TENM2: variants seen among roughly 807,000 people sequenced by gnomAD.
The protein encoded by TENM2 is teneurin-2.
A neutral mutation model predicts 245.2 loss-of-function variants in TENM2; 52 were observed. That is an observed-to-expected ratio of 0.21 (90% confidence interval 0.17 to 0.27). TENM2 has a LOEUF of 0.27. Ranked by LOEUF, TENM2 falls within the 10% of genes least tolerant of loss-of-function variation. TENM2 has a pLI of 1.00. For synonymous variants in TENM2, 1,363 were observed against 1,438.9 expected (o/e 0.95, Z 1.19); for missense variants, 3,046 against 3,666.8 (o/e 0.83, Z 4.37).
rs77362065 is a variant in TENM2 at position 168,223,162 on chromosome 5, C to T, written c.5109-2926C>T. Among the ~76,000 whole-genome samples, 966 of 152,326 alleles carry T rather than the reference C, an allele frequency of 6.3e-3. 11 individuals are homozygous for T. Among genetic ancestry groups the T allele is most frequent in the Middle Eastern group, 0.024 (7 of 294 alleles). The stretch of plus-strand genomic sequence containing the variant: ...AAAATCTGTTTTTCTCCCTTTGGCC[C>T]ATGAGATTCTAGTCCCTACCCTAAA... On this transcript the variant is annotated intron_variant, in intron 23 of 28. Transcript: ENST00000518659.
At chr5:167,271,146 G>A in the TENM2 span, among the ~76,000 whole-genome samples, 1 of 152,132 alleles carries the variant, frequency 6.6e-6, no homozygotes, top group East Asian at 1.9e-4. Flanking sequence ...ATTAGGTTTT[G>A]AGGCTGCAGG....
intron 2 of TENM2, among the ~76,000 whole-genome samples, chr5:167,578,503 G>A (rs1774865818): frequency 6.6e-6 from 1 of 152,158 alleles, no homozygotes; most frequent in South Asian, 2.1e-4. Flanking sequence ...ATATGCATTT[G>A]TTTTCATGTT....
chr5:167,403,198 C>A (rs1257895590), intron 2 of TENM2, among the ~76,000 whole-genome samples: 2 of 151,726 alleles, frequency 1.3e-5, no homozygotes, highest in Admixed American at 6.6e-5. Context: ...TTCCTTAATT[C>A]ATCCCTGATA....
At chr5:167,865,773 GAAAAAAA>G (rs1232559986) in intron 2 of TENM2, among the ~76,000 whole-genome samples, 1 of 152,034 alleles carries the variant, frequency 6.6e-6, no homozygotes, top group Non-Finnish European at 1.5e-5. Flanking sequence ...CTTGGTTAAG[GAAAAAAA>G]CATACATTTA....
the TENM2 span, among the ~76,000 whole-genome samples, chr5:167,127,716 T>G: frequency 2.6e-5 from 4 of 152,028 alleles, no homozygotes. Flanking sequence ...TTACGTTCAT[T>G]GGCATTAATG....
At chr5:167,369,695 A>G (rs918404233) in intron 1 of TENM2, among the ~76,000 whole-genome samples, 4 of 152,182 alleles carry the variant, frequency 2.6e-5, no homozygotes, top group African/African-American at 7.2e-5. Context: ...ATTTCTCTGT[A>G]TAAAATGACT....
At chr5:167,776,161 C>CACACACACACA (rs1554115636) in intron 2 of TENM2, among the ~76,000 whole-genome samples, 7 of 133,110 alleles carry the variant, frequency 5.3e-5, no homozygotes, top group African/African-American at 2.0e-4. Flanking sequence ...AAAAAAAAAT[C>CACACACACACA]CACACACACA....
intron 2 of TENM2, among the ~76,000 whole-genome samples, chr5:167,863,991 A>G (rs1772080869): frequency 6.6e-6 from 1 of 152,226 alleles, no homozygotes. Context: ...CACAATATTT[A>G]TAGGTCTTTG....
At chr5:167,607,302 C>T (rs278006) in intron 2 of TENM2, among the ~76,000 whole-genome samples, 136,667 of 152,206 alleles carry the variant, frequency 0.9, 61,473 homozygotes, top group East Asian at 0.99. Context: ...CAGCTGTTTA[C>T]ACTCATCCCA....
chr5:167,730,563 T>G (rs533454988), intron 2 of TENM2, among the ~76,000 whole-genome samples: 1 of 152,226 alleles, frequency 6.6e-6, no homozygotes, highest in Non-Finnish European at 1.5e-5. Flanking sequence ...AGCTCTCCAC[T>G]CTCCCTCCCA....
chr5:168,257,991 G>A (rs1348980029), intron 27 of TENM2, among the ~76,000 whole-genome samples: 1 of 152,152 alleles, frequency 6.6e-6, no homozygotes, highest in African/African-American at 2.4e-5. Context: ...ATGGAGGCCA[G>A]TTAGACATCC....
At chr5:167,786,819 C>T (rs1308432937) in intron 2 of TENM2, among the ~76,000 whole-genome samples, 1 of 152,226 alleles carries the variant, frequency 6.6e-6, no homozygotes, top group Admixed American at 6.5e-5. Flanking sequence ...TGTTGGGCCA[C>T]ATCTCAGAGC....
the TENM2 span, among the ~76,000 whole-genome samples, chr5:167,144,735 C>T: frequency 6.6e-6 from 1 of 152,160 alleles, no homozygotes; most frequent in Non-Finnish European, 1.5e-5. Context: ...TGACTTTTGC[C>T]TCTTAATGCA....
chr5:167,165,541 C>T, the TENM2 span, among the ~76,000 whole-genome samples: 4 of 152,070 alleles, frequency 2.6e-5, no homozygotes, highest in South Asian at 4.2e-4. Context: ...CACTGACTGT[C>T]TCTTCCACAA....
At chr5:167,588,397 A>T (rs1775650144) in intron 2 of TENM2, among the ~76,000 whole-genome samples, 1 of 152,206 alleles carries the variant, frequency 6.6e-6, no homozygotes, top group African/African-American at 2.4e-5. Context: ...TTCTACACAG[A>T]CTGTGAGAGC....
At chr5:167,755,766 T>A (rs1384539086) in intron 2 of TENM2, among the ~76,000 whole-genome samples, 1 of 152,170 alleles carries the variant, frequency 6.6e-6, no homozygotes, top group East Asian at 1.9e-4. Context: ...TGGATTAGTC[T>A]TGCTGCTTGT....
intron 2 of TENM2, among the ~76,000 whole-genome samples, chr5:167,596,329 C>T (rs1337092583): frequency 6.6e-6 from 1 of 152,142 alleles, no homozygotes; most frequent in Non-Finnish European, 1.5e-5. Flanking sequence ...GGAGGCCTGG[C>T]TTTGACTCTG....
chr5:167,409,612 T>C (rs889260362), intron 2 of TENM2, among the ~76,000 whole-genome samples: 2 of 151,990 alleles, frequency 1.3e-5, no homozygotes, highest in African/African-American at 4.8e-5. Context: ...GCATACATAA[T>C]AGGATTATAG....
chr5:167,550,292 A>G (rs1772842343), intron 2 of TENM2, among the ~76,000 whole-genome samples: 1 of 152,216 alleles, frequency 6.6e-6, no homozygotes, highest in Admixed American at 6.5e-5. Flanking sequence ...CTACTGAAGC[A>G]TATTGTGCCC....
Sources: allele counts gnomAD v4.1 joint callset (sites outside exome capture counted in the v4.1 genomes callset), GRCh38; gene constraint gnomAD v4.1.1; transcripts MANE v1.5; gene names NCBI Gene and HGNC (gene_info 2026-07-23, HGNC 2026-07-21).